Variants in EDIL3 observed in about 807,000 individuals in gnomAD.
EDIL3 encodes EGF like and discoidin domains 3.
A neutral mutation model predicts 67.4 loss-of-function variants in EDIL3; 37 were observed. The observed-to-expected ratio is 0.55, with a 90% confidence interval of 0.42 to 0.72. The LOEUF is 0.72. Among genes scored for constraint, EDIL3 ranks in the 30% least tolerant of loss-of-function variants. EDIL3 has a pLI of 0.00. For synonymous variants in EDIL3, 195 were observed against 196.3 expected (o/e 0.99, Z 0.05); for missense variants, 527 against 586.3 (o/e 0.90, Z 1.04).
At chr5:83,953,188 C>A (rs1040090811) in intron 10 of EDIL3, among the ~76,000 whole-genome samples, 2 of 151,752 alleles carry the variant, frequency 1.3e-5, no homozygotes, top group African/African-American at 4.8e-5. Context: ...GTTGCAAGAT[C>A]AAATATTTTG....
At chr5:84,230,896 G>A (rs1170735128) in intron 2 of EDIL3, among the ~76,000 whole-genome samples, 1 of 151,830 alleles carries the variant, frequency 6.6e-6, no homozygotes, top group Non-Finnish European at 1.5e-5. Flanking sequence ...AGTGACCCCA[G>A]GTGGTTCTGA....
intron 1 of EDIL3, among the ~76,000 whole-genome samples, chr5:84,281,850 T>G (rs1745709045): frequency 6.8e-6 from 1 of 146,898 alleles, no homozygotes; most frequent in Non-Finnish European, 1.5e-5. Context: ...TCAACTTTTA[T>G]TTCACTTTTT....
intron 3 of EDIL3, among the ~76,000 whole-genome samples, chr5:84,204,383 C>A (rs934888894): frequency 6.6e-6 from 1 of 152,104 alleles, no homozygotes; most frequent in Admixed American, 6.6e-5. Context: ...ATTTACTTTT[C>A]CTTTATTCTC....
intron 1 of EDIL3, among the ~76,000 whole-genome samples, chr5:84,304,686 G>T (rs1372925214): frequency 2.0e-5 from 3 of 152,120 alleles, no homozygotes; most frequent in Non-Finnish European, 4.4e-5. Context: ...ATATTGTCTT[G>T]GGATAAGCCT....
intron 1 of EDIL3, among the ~76,000 whole-genome samples, chr5:84,315,727 A>G (rs1746499324): frequency 6.6e-6 from 1 of 151,758 alleles, no homozygotes; most frequent in South Asian, 2.1e-4. Flanking sequence ...CTAGCAAGGT[A>G]GGCCAATATT....
chr5:84,136,374 C>A (rs2112314892), intron 5 of EDIL3, among the ~76,000 whole-genome samples: 1 of 152,318 alleles, frequency 6.6e-6, no homozygotes, highest in East Asian at 1.9e-4. Flanking sequence ...AATTGTCCAA[C>A]AATTATAAGG....
chr5:84,074,548 A>G (rs1746813084), intron 6 of EDIL3, among the ~76,000 whole-genome samples: 1 of 152,144 alleles, frequency 6.6e-6, no homozygotes. Flanking sequence ...GGACATGAAC[A>G]GACACTTCTC....
intron 1 of EDIL3, among the ~76,000 whole-genome samples, chr5:84,308,005 G>A (rs998043073): frequency 2.0e-5 from 3 of 152,158 alleles, no homozygotes; most frequent in African/African-American, 4.8e-5. Flanking sequence ...AAGCAATCAT[G>A]ATTGGGTCTA....
intron 9 of EDIL3, among the ~76,000 whole-genome samples, chr5:84,014,706 A>G (rs1234273303): frequency 6.6e-6 from 1 of 152,096 alleles, no homozygotes; most frequent in African/African-American, 2.4e-5. Context: ...AAAATTAAAG[A>G]CTCTAATGTG....
rs192174709 is a variant in EDIL3 at position 84,368,744 on chromosome 5, C to A, written c.67+15564G>T. On this transcript the variant is annotated intron_variant, in intron 1 of 10. Transcript: ENST00000296591. ...AACATATCTGATAAGGAATTAATAT[C>A]CAGAATATATAGAGAACTTTAAAAC... 1.9e-3 allele frequency among the ~76,000 whole-genome samples: 287 copies of A among 151,928 alleles called. 10 individuals carry two copies. The highest frequency in any genetic ancestry group is 0.018 in the Admixed American group (269 of 15,232).
chr5:84,234,319 A>C (rs902036300), intron 2 of EDIL3, among the ~76,000 whole-genome samples: 1 of 152,148 alleles, frequency 6.6e-6, no homozygotes, highest in Non-Finnish European at 1.5e-5. Context: ...CATGTTCCTG[A>C]AGTGTGGTGG....
At chr5:84,305,704 C>T (rs2112135635) in intron 1 of EDIL3, among the ~76,000 whole-genome samples, 1 of 152,126 alleles carries the variant, frequency 6.6e-6, no homozygotes, top group South Asian at 2.1e-4. Context: ...ATGGTGAAAC[C>T]CCGTCTCTAT....
In EDIL3 at chr5:84,064,794, T is replaced by A; in HGVS notation, c.858A>T (p.Thr286=). 6.2e-7 allele frequency: 1 copy of A among 1,613,646 alleles called. No homozygotes were observed. The highest frequency in any genetic ancestry group is 1.1e-5 in the South Asian group (1 of 91,028). ...TTACATACTGAGCTTTTATGGGGGGTGTGAAAGAGTTAGCATATGGAGTGT... is the reference window on the plus strand; with the variant it reads ...TTACATACTGAGCTTTTATGGGGGGAGTGAAAGAGTTAGCATATGGAGTGT... ...DNNTPYANSF[T]PPIKAQYVRL... is the part of the protein sequence containing the mutation. The change falls in exon 8 of 11, where the codon ACA becomes ACT. Residue 286 remains threonine, a synonymous_variant. Coordinates refer to ENST00000296591, the MANE Select transcript of EDIL3 (RefSeq NM_005711.5).
At chr5:84,348,701 G>C (rs961919521) in intron 1 of EDIL3, among the ~76,000 whole-genome samples, 3 of 151,830 alleles carry the variant, frequency 2.0e-5, no homozygotes, top group Non-Finnish European at 2.9e-5. Flanking sequence ...TTTCCAATGT[G>C]GTAGGTTTCT....
chr5:84,170,788 T>TTTAA (rs1028171103), intron 4 of EDIL3, among the ~76,000 whole-genome samples: 1 of 152,148 alleles, frequency 6.6e-6, no homozygotes, highest in African/African-American at 2.4e-5. Flanking sequence ...TTTATTTTAT[T>TTTAA]TTAATTAATT....
chr5:84,217,721 A>AACACACACACACAC (rs61264723), intron 3 of EDIL3, among the ~76,000 whole-genome samples: 119 of 135,012 alleles, frequency 8.8e-4, no homozygotes, highest in Middle Eastern at 3.9e-3. Context: ...TATACACACA[A>AACACACACACACAC]ACACACACAC....
At chr5:84,070,155 A>G (rs1226812950) in intron 6 of EDIL3, among the ~76,000 whole-genome samples, 2 of 151,926 alleles carry the variant, frequency 1.3e-5, no homozygotes, top group Non-Finnish European at 2.9e-5. Context: ...TGCTTCCACC[A>G]CTCAACAAAA....
chr5:83,963,252 C>T lies in EDIL3; in HGVS notation c.1246G>A (p.Gly416Arg). 2 of 1,610,082 alleles carry T rather than the reference C, an allele frequency of 1.2e-6. No homozygotes were observed. The highest frequency in any genetic ancestry group is 2.7e-5 in the African/African-American group (2 of 74,722). ...TCCTGGTATACAGTCCAGTGTTCTCCATCATTGCTGTAAGCCAGTTTGTAG... is the reference window on the plus strand; with the variant it reads ...TCCTGGTATACAGTCCAGTGTTCTCTATCATTGCTGTAAGCCAGTTTGTAG... ...GSYKLAYSNDGEHWTVYQDEK... is the reference protein window; with the variant it reads ...GSYKLAYSNDREHWTVYQDEK... Residue 416 changes from glycine to arginine, a missense_variant, in exon 10 of 11, where the codon GGA becomes AGA. By Grantham distance (125) the Gly-to-Arg change is moderately radical (BLOSUM62 -2). Around this residue, in one of 2 missense-constraint regions of EDIL3, gnomAD observed 494 missense variants for 522.5 expected, o/e 0.95. Transcript: ENST00000296591.
chr5:84,156,933 G>A (rs1748503188), intron 4 of EDIL3, among the ~76,000 whole-genome samples: 1 of 151,990 alleles, frequency 6.6e-6, no homozygotes, highest in Non-Finnish European at 1.5e-5. Context: ...AGTACTATCA[G>A]CACGTCATAG....
Sources: gnomAD v4.1 joint callset for allele counts (sites outside exome capture counted in the v4.1 genomes callset) on GRCh38, gnomAD v4.1.1 for gene constraint, gnomAD v4.1.1 regional missense constraint, MANE v1.5 for transcripts, NCBI Gene and HGNC (gene_info 2026-07-23, HGNC 2026-07-21) for gene names.